RPTOR: variants seen among roughly 807,000 people sequenced by gnomAD.
The protein encoded by RPTOR is regulatory associated protein of MTOR complex 1, also known as regulatory-associated protein of mTOR.
A neutral mutation model predicts 169.9 loss-of-function variants in RPTOR; 21 were observed. That is an observed-to-expected ratio of 0.12 (90% CI 0.09 to 0.18). The LOEUF is 0.18. Ranked by LOEUF, RPTOR falls within the 10% of genes least tolerant of loss-of-function variation. The pLI, the probability that RPTOR is intolerant of heterozygous loss-of-function variation, is 1.00. For missense variants in RPTOR, 1,133 were observed against 1,855.9 expected (o/e 0.61, Z 7.16); for synonymous variants, 732 against 753.2 (o/e 0.97, Z 0.46).
rs746352383 is a variant in RPTOR at position 80,837,982 on chromosome 17, A to G, written c.1197A>G (p.Glu399=). The part of the protein sequence containing the change: ...CLSQLPTIIE[E]GTAFRHSPFF... Reference sequence around the variant, plus strand: ...CTCAGCTGCCGACGATCATCGAGGAAGGCACTGCGTTTCGGGTGAGTCCCT... The same window carrying G: ...CTCAGCTGCCGACGATCATCGAGGAGGGCACTGCGTTTCGGGTGAGTCCCT... Residue 399 remains glutamate, a synonymous_variant, in exon 10 of 34, where the codon GAA becomes GAG. Coordinates refer to ENST00000306801, the MANE Select transcript of RPTOR (RefSeq NM_020761.3). 7.5e-6 allele frequency: 12 copies of G among 1,610,710 alleles called. No individual in the cohort carries two copies. The highest frequency in any genetic ancestry group is 9.3e-6 in the Non-Finnish European group (11 of 1,178,554).
chr17:80,844,139 G>A lies in RPTOR; in HGVS notation c.1213-2334G>A, dbSNP rs898980984. Among the ~76,000 whole-genome samples, 4 of 152,156 alleles carry A rather than the reference G, an allele frequency of 2.6e-5. No individual in the cohort carries two copies. The highest frequency in any genetic ancestry group is 4.4e-5 in the Non-Finnish European group (3 of 68,024). On this transcript the variant is annotated intron_variant, in intron 10 of 33. Transcript: ENST00000306801. This position sits in a 1 kb window ranked among gnomAD's most constrained non-coding sequence, Gnocchi z 4.7. ...CCCTGTGAATCATGGGTGGAGACAC[G>A]GGCCGCTCTCGAGATGTTTTCCGGA...
chr17:80,688,581 G>T (rs1349763736), intron 3 of RPTOR, among the ~76,000 whole-genome samples: 1 of 152,158 alleles, frequency 6.6e-6, no homozygotes, highest in Non-Finnish European at 1.5e-5. Flanking sequence ...AAGAAGGGAC[G>T]GCCGTTCTCC....
At chr17:80,780,772 T>TC (rs1344799996) in intron 6 of RPTOR, among the ~76,000 whole-genome samples, 47 of 152,208 alleles carry the variant, frequency 3.1e-4, no homozygotes, top group African/African-American at 9.9e-4. Context: ...CCCCTCACCC[T>TC]CCCCCCGGGG....
In RPTOR at chr17:80,651,994, G is replaced by A. The variant is rs117359553; in HGVS notation, c.348+8184G>A. ...CTGCACTCCAGCCTGGGGCGACAGC[G>A]TGAGACTCCGTCTCAAAAAAAAAAA... On this transcript the variant is annotated intron_variant, in intron 3 of 33. Coordinates refer to ENST00000306801, the MANE Select transcript of RPTOR (RefSeq NM_020761.3). This position sits in a 1 kb window ranked among gnomAD's most constrained non-coding sequence, Gnocchi z 4.1. Among the ~76,000 whole-genome samples, 204 of 143,178 alleles carry A rather than the reference G, an allele frequency of 1.4e-3. 3 individuals are homozygous for A. In the East Asian group the frequency reaches 0.032, roughly 23 times the overall value. The allele number at this position is 143,178 out of a possible 152,430, so 93.9% of individuals were successfully genotyped here. A position where few individuals can be genotyped will look rare whatever the true frequency, so the allele number is the denominator to read the frequency against.
At chr17:80,560,336 G>A (rs1212493323) in intron 1 of RPTOR, among the ~76,000 whole-genome samples, 3 of 152,200 alleles carry the variant, frequency 2.0e-5, no homozygotes, top group East Asian at 3.9e-4. Context: ...AGTGACTGAT[G>A]TATAGAATTT....
chr17:80,890,858 T>C (rs949864600), intron 17 of RPTOR, among the ~76,000 whole-genome samples: 1 of 151,926 alleles, frequency 6.6e-6, no homozygotes. Flanking sequence ...GAGAAGACCC[T>C]GGTCCCTGGT....
At chr17:80,547,885 CAG>C (rs1270318405) in intron 1 of RPTOR, among the ~76,000 whole-genome samples, 16 of 152,136 alleles carry the variant, frequency 1.1e-4, no homozygotes, top group African/African-American at 2.9e-4. Context: ...AGGGTGGGAA[CAG>C]GGGCTCCCTG....
intron 3 of RPTOR, among the ~76,000 whole-genome samples, chr17:80,699,341 AC>A (rs2066063731): frequency 7.1e-6 from 1 of 139,926 alleles, no homozygotes; most frequent in South Asian, 2.4e-4. Context: ...TGTGCACAGT[AC>A]CCTGGTGCAG....
intron 6 of RPTOR, among the ~76,000 whole-genome samples, chr17:80,782,112 TCA>T: frequency 6.6e-6 from 1 of 152,266 alleles, no homozygotes; most frequent in African/African-American, 2.4e-5. Context: ...TCACATAGGG[TCA>T]GCTCTTCGGG....
chr17:80,736,753 CAGTT>C (rs921812972), intron 5 of RPTOR, among the ~76,000 whole-genome samples: 5 of 152,214 alleles, frequency 3.3e-5, no homozygotes, highest in Non-Finnish European at 7.3e-5. Flanking sequence ...TGAATACCAT[CAGTT>C]AGTTCTTTGG....
chr17:80,957,497 C>A lies in RPTOR; in HGVS notation c.3371-127C>A, dbSNP rs1365288778. On this transcript the variant is annotated intron_variant, in intron 28 of 33. Coordinates refer to ENST00000306801, the MANE Select transcript of RPTOR (RefSeq NM_020761.3). This position sits in a 1 kb window ranked among gnomAD's most constrained non-coding sequence, Gnocchi z 4.6. ...GCTCATATGAGGCATATGGACCCAC[C>A]AGATGGGCTCGATGGTGGCAGGGGT... The A allele has an allele frequency of 8.5e-6, 7 of 827,604 alleles. No individual in the cohort carries two copies. The allele number at this position is 827,604 out of a possible 1,614,324, so 51.3% of individuals were successfully genotyped here.
rs1567890529 is a variant in RPTOR, at chr17:80,746,350, G to A, written c.655-7660G>A. Among the ~76,000 whole-genome samples the A allele has an allele frequency of 6.6e-6, 1 of 151,654 alleles. No individual in the cohort carries two copies. Among genetic ancestry groups the A allele is most frequent in the Non-Finnish European group, 1.5e-5 (1 of 67,888 alleles). Reference sequence around the variant, plus strand: ...GTGCTTTCTGCGGGTGATCCCCACCGCCCCCACAGCGGTGCTTTCTGCAGG... The same window carrying A: ...GTGCTTTCTGCGGGTGATCCCCACCACCCCCACAGCGGTGCTTTCTGCAGG... On this transcript the variant is annotated intron_variant, in intron 5 of 33. Coordinates refer to ENST00000306801, the MANE Select transcript of RPTOR (RefSeq NM_020761.3). The surrounding 1 kb of genome is among the most constrained non-coding windows in gnomAD (Gnocchi z 4.5).
intron 20 of RPTOR, among the ~76,000 whole-genome samples, chr17:80,894,799 G>A (rs1313237205): frequency 3.3e-5 from 5 of 152,098 alleles, no homozygotes; most frequent in Non-Finnish European, 7.4e-5. Context: ...CCCAGCTTAA[G>A]GAATTACAGA....
chr17:80,884,994 C>T lies in RPTOR; in HGVS notation c.1843-14C>T, dbSNP rs1353868084. On this transcript the variant is annotated splice_polypyrimidine_tract_variant and intron_variant, in intron 16 of 33. Coordinates refer to ENST00000306801, the MANE Select transcript of RPTOR (RefSeq NM_020761.3). ...CGGTGTGGGACATGCCTGTGACCCC[C>T]CGCCGCCTTGCAGGTCCGCTGCGCA... is the stretch of plus-strand genomic sequence containing the variant. The T allele has an allele frequency of 6.2e-7, 1 of 1,604,752 alleles. No individual in the cohort carries two copies. Among genetic ancestry groups the T allele is most frequent in the Non-Finnish European group, 8.5e-7 (1 of 1,176,814 alleles).
intron 2 of RPTOR, among the ~76,000 whole-genome samples, chr17:80,626,578 C>T (rs1454208760): frequency 6.6e-6 from 1 of 152,006 alleles, no homozygotes; most frequent in Non-Finnish European, 1.5e-5. Context: ...CTTTACAATG[C>T]TCACAACAAC....
intron 1 of RPTOR, among the ~76,000 whole-genome samples, chr17:80,551,012 C>G (rs940891550): frequency 6.6e-6 from 1 of 152,158 alleles, no homozygotes; most frequent in Admixed American, 6.5e-5. Flanking sequence ...CTCAGTCTCC[C>G]GAGTAGCTGG....
At chr17:80,705,239 C>G (rs2066133762) in intron 3 of RPTOR, among the ~76,000 whole-genome samples, 1 of 152,266 alleles carries the variant, frequency 6.6e-6, no homozygotes, top group Non-Finnish European at 1.5e-5. Context: ...TCTCAAGTCT[C>G]CTTCGTGACT....
At chr17:80,792,935 TA>T (rs2067064209) in intron 7 of RPTOR, among the ~76,000 whole-genome samples, 1 of 151,856 alleles carries the variant, frequency 6.6e-6, no homozygotes, top group Non-Finnish European at 1.5e-5. Context: ...ATCCCAAATC[TA>T]AAAATCCAAA....
intron 10 of RPTOR, among the ~76,000 whole-genome samples, chr17:80,838,413 C>T (rs1024502452): frequency 2.2e-4 from 34 of 152,188 alleles, no homozygotes; most frequent in African/African-American, 7.2e-4. Context: ...TGCCCCCGGC[C>T]GCACTGCACG....
Sources: gnomAD v4.1 joint callset for allele counts (sites outside exome capture counted in the v4.1 genomes callset) on GRCh38, gnomAD v4.1.1 for gene constraint, Gnocchi (gnomAD v3.1) non-coding constraint, MANE v1.5 for transcripts, NCBI Gene and HGNC (gene_info 2026-07-23, HGNC 2026-07-21) for gene names.